Variants in ANKS1B observed in about 807,000 individuals in gnomAD.
The protein encoded by ANKS1B is ankyrin repeat and sterile alpha motif domain containing 1B, also known as ankyrin repeat and sterile alpha motif domain-containing protein 1B.
ANKS1B carries 36 observed loss-of-function variants against 148.3 expected under a neutral mutation model. That is an observed-to-expected ratio of 0.24 (90% CI 0.19 to 0.32). The LOEUF is 0.32. ANKS1B is among the 10% of genes least tolerant of loss of function. ANKS1B has a pLI of 1.00. For missense variants in ANKS1B, 1,157 were observed against 1,542.6 expected, an observed-to-expected ratio of 0.75 and a Z score of 4.19; for synonymous variants, 542 against 560.8, an observed-to-expected ratio of 0.97 and a Z score of 0.47.
intron 15 of ANKS1B, among the ~76,000 whole-genome samples, chr12:99,109,590 C>T (rs763272121): frequency 7.2e-5 from 11 of 152,112 alleles, no homozygotes; most frequent in Non-Finnish European, 1.2e-4. Flanking sequence ...TTGCCTACTT[C>T]GCAGGGTTCA....
Position 99,311,339 on chromosome 12 carries a change from G to A in ANKS1B, c.1757-64475C>T, listed in dbSNP as rs1278637026. Among the ~76,000 whole-genome samples the A allele has an allele frequency of 2.0e-5, 3 of 152,192 alleles. 1 individual carries two copies. In the East Asian group the frequency reaches 5.8e-4, roughly 29 times the overall value. ...CAAATGTAGACTCTGTGGGTGAGTG[G>A]GTGCATCCATGGAATTAAAGAGAAA... is the stretch of plus-strand genomic sequence containing the variant. On this transcript the variant is annotated intron_variant, in intron 12 of 26. Transcript: ENST00000683438.
intron 20 of ANKS1B, among the ~76,000 whole-genome samples, chr12:98,805,307 C>CTT (rs35982671): frequency 0.71 from 106,753 of 149,834 alleles, 39,340 homozygotes; most frequent in Middle Eastern, 0.81. Flanking sequence ...TGCTTAAGGC[C>CTT]TTTTTTTTTA....
intron 15 of ANKS1B, among the ~76,000 whole-genome samples, chr12:99,097,786 C>T (rs977745726): frequency 6.6e-6 from 1 of 152,138 alleles, no homozygotes; most frequent in African/African-American, 2.4e-5. Context: ...TCTTAATTTT[C>T]TCAACTGAGC....
intron 9 of ANKS1B, among the ~76,000 whole-genome samples, chr12:99,539,290 T>C (rs11829651): frequency 0.14 from 21,255 of 152,086 alleles, 1,680 homozygotes; most frequent in Non-Finnish European, 0.17. Flanking sequence ...AAAGCAATAA[T>C]TACAAATCTC....
At chr12:99,717,047 T>A (rs1185737159) in intron 8 of ANKS1B, among the ~76,000 whole-genome samples, 3 of 152,148 alleles carry the variant, frequency 2.0e-5, no homozygotes, top group African/African-American at 7.2e-5. Context: ...TTTTTCTTTA[T>A]CCCAAATCAG....
At chr12:99,671,375 T>C (rs1717373604) in intron 8 of ANKS1B, among the ~76,000 whole-genome samples, 1 of 152,218 alleles carries the variant, frequency 6.6e-6, no homozygotes, top group African/African-American at 2.4e-5. Flanking sequence ...AAACAGAAAT[T>C]AATAGGCATG....
intron 8 of ANKS1B, among the ~76,000 whole-genome samples, chr12:99,683,530 G>A (rs894841234): frequency 1.1e-4 from 17 of 152,044 alleles, no homozygotes; most frequent in South Asian, 6.2e-4. Flanking sequence ...GGAATTCACC[G>A]CTGAATTCTA....
At chr12:99,485,810 G>C (rs2096481569) in intron 10 of ANKS1B, among the ~76,000 whole-genome samples, 1 of 151,988 alleles carries the variant, frequency 6.6e-6, no homozygotes, top group African/African-American at 2.4e-5. Context: ...ATTTGTTCTA[G>C]TCTATTGTTA....
rs193206881 is a variant in ANKS1B at position 99,677,264 on chromosome 12, T to C, written c.1129-22054A>G. 9.8e-5 allele frequency among the ~76,000 whole-genome samples: 15 copies of C among 152,312 alleles called. No individual in the cohort carries two copies. In the East Asian group the frequency reaches 2.5e-3, roughly 26 times the overall value. On this transcript the variant is annotated intron_variant, in intron 8 of 26. Transcript: ENST00000683438. ...CACAGAGGTGTGATCAGGAGGGCCA[T>C]GCACCATTACAAAATTGACATGACT...
chr12:98,787,280 C>T (rs1423204487), intron 22 of ANKS1B, among the ~76,000 whole-genome samples: 1 of 152,188 alleles, frequency 6.6e-6, no homozygotes, highest in Non-Finnish European at 1.5e-5. Context: ...TTAAAGGCCA[C>T]TTTCTGGGGA....
intron 9 of ANKS1B, among the ~76,000 whole-genome samples, chr12:99,639,750 A>C (rs1271782819): frequency 1.3e-5 from 2 of 152,136 alleles, no homozygotes; most frequent in African/African-American, 4.8e-5. Flanking sequence ...CTTGATTGTA[A>C]GTTTCCTGAG....
intron 14 of ANKS1B, among the ~76,000 whole-genome samples, chr12:99,169,907 G>A (rs2153835964): frequency 6.6e-6 from 1 of 152,246 alleles, no homozygotes; most frequent in Non-Finnish European, 1.5e-5. Context: ...CTGTGTTCCA[G>A]GTGCACAGGA....
intron 9 of ANKS1B, among the ~76,000 whole-genome samples, chr12:98,738,003 A>G (rs1218916017): frequency 6.6e-6 from 1 of 152,242 alleles, no homozygotes. Flanking sequence ...TGGATATACT[A>G]TACAGTTATT....
intron 16 of ANKS1B, among the ~76,000 whole-genome samples, chr12:99,082,064 G>C (rs2049979250): frequency 6.6e-6 from 1 of 152,166 alleles, no homozygotes; most frequent in Non-Finnish European, 1.5e-5. Flanking sequence ...GGGAAGGTCA[G>C]TGTATTTTCT....
In ANKS1B at chr12:99,937,878, G is replaced by A. The variant is rs570197338; in HGVS notation, c.134+46226C>T. Among the ~76,000 whole-genome samples, 4 of 152,230 alleles carry A rather than the reference G, an allele frequency of 2.6e-5. No homozygotes were observed. The South Asian group carries it at 8.3e-4, about 32-fold the overall frequency. ...CAAAGAGAAGATACATGATAAATCA[G>A]TCATGAATCCTGCCCTCAAGTTATA... On this transcript the variant is annotated intron_variant, in intron 1 of 26. Transcript: ENST00000683438.
rs574533180 is a variant in ANKS1B, at chr12:98,792,423, C to A, written c.3342+6511G>T. Among the ~76,000 whole-genome samples, 7 of 152,164 alleles carry A rather than the reference C, an allele frequency of 4.6e-5. No homozygotes were observed. The South Asian group carries it at 8.3e-4, about 18-fold the overall frequency. On this transcript the variant is annotated intron_variant, in intron 22 of 26. Coordinates refer to ENST00000683438, the MANE Select transcript of ANKS1B (RefSeq NM_001352186.2). ...ATAGGGGTAATTATCATACCTGGAA[C>A]CTTAAACAGTTATGATTTCTTTGTT...
intron 1 of ANKS1B, among the ~76,000 whole-genome samples, chr12:99,948,570 C>T (rs2095132872): frequency 6.6e-6 from 1 of 152,146 alleles, no homozygotes; most frequent in South Asian, 2.1e-4. Flanking sequence ...ATTGGGAATT[C>T]AATTAAACAC....
chr12:98,765,585 C>T (rs1343679511), intron 25 of ANKS1B, among the ~76,000 whole-genome samples: 2 of 152,062 alleles, frequency 1.3e-5, no homozygotes, highest in African/African-American at 2.4e-5. Flanking sequence ...GAGACAGAGT[C>T]TCATCCTGTC....
At chr12:99,409,463 G>T (rs1248584787) in intron 11 of ANKS1B, among the ~76,000 whole-genome samples, 1 of 151,990 alleles carries the variant, frequency 6.6e-6, no homozygotes, top group African/African-American at 2.4e-5. Flanking sequence ...ACTAGAGTCA[G>T]CAATAATTTA....
Sources: allele counts gnomAD v4.1 joint callset (sites outside exome capture counted in the v4.1 genomes callset), GRCh38; gene constraint gnomAD v4.1.1; transcripts MANE v1.5; gene names NCBI Gene and HGNC (gene_info 2026-07-23, HGNC 2026-07-21).